Variants in PRIM2 observed in about 807,000 individuals in gnomAD.
PRIM2 encodes DNA primase large subunit.
A neutral mutation model predicts 67.3 loss-of-function variants in PRIM2; 39 were observed. That is an observed-to-expected ratio of 0.58 (90% confidence interval 0.45 to 0.76). The LOEUF (loss-of-function observed/expected upper bound fraction) is 0.76, where lower values mean the gene tolerates loss of function less well. PRIM2 is among the 30% of genes least tolerant of loss of function. The pLI is 0.00. For synonymous variants in PRIM2, 143 were observed against 198.7 expected (o/e 0.72, Z 2.36); for missense variants, 398 against 598.7 (o/e 0.66, Z 3.50).
chr6:57,359,619 G>A (rs1389397951), intron 5 of PRIM2, among the ~76,000 whole-genome samples: 2 of 152,190 alleles, frequency 1.3e-5, no homozygotes, highest in Non-Finnish European at 2.9e-5. Context: ...GGTAGCTAGA[G>A]CTTCTGGCTT....
intron 10 of PRIM2, among the ~76,000 whole-genome samples, chr6:57,567,268 T>C (rs1382878038): frequency 1.2e-4 from 19 of 152,354 alleles, no homozygotes; most frequent in African/African-American, 4.6e-4. Context: ...AATTTCTTGA[T>C]GGCTTGACTT....
At chr6:57,352,911 A>G (rs1768903589) in intron 5 of PRIM2, among the ~76,000 whole-genome samples, 1 of 152,112 alleles carries the variant, frequency 6.6e-6, no homozygotes, top group African/African-American at 2.4e-5. Flanking sequence ...TTAATAGTAA[A>G]TGGTTAGAGG....
intron 7 of PRIM2, among the ~76,000 whole-genome samples, chr6:57,499,361 A>G (rs1774078386): frequency 6.6e-6 from 1 of 152,170 alleles, no homozygotes; most frequent in African/African-American, 2.4e-5. Context: ...TGAGGGAACA[A>G]CAGAAACAAG....
chr6:57,417,091 C>T (rs12190104), intron 7 of PRIM2, among the ~76,000 whole-genome samples: 4 of 151,920 alleles, frequency 2.6e-5, no homozygotes, highest in South Asian at 4.2e-4. Flanking sequence ...CTCAGCCTCC[C>T]GAGTAGCTGG....
intron 5 of PRIM2, among the ~76,000 whole-genome samples, chr6:57,374,526 T>C (rs1263586318): frequency 6.6e-6 from 1 of 151,482 alleles, no homozygotes; most frequent in East Asian, 1.9e-4. Context: ...TCTCCTGACC[T>C]CGTGATCCGC....
chr6:57,619,090 A>G (rs1473296478), intron 12 of PRIM2, among the ~76,000 whole-genome samples: 1 of 152,246 alleles, frequency 6.6e-6, no homozygotes, highest in Non-Finnish European at 1.5e-5. Flanking sequence ...GACGGTTCAC[A>G]TCACAGGACT....
At chr6:57,250,654 A>C in the PRIM2 span, among the ~76,000 whole-genome samples, 3 of 152,204 alleles carry the variant, frequency 2.0e-5, no homozygotes, top group African/African-American at 7.2e-5. Context: ...AATTGCAGAC[A>C]GAAGGAAGGG....
chr6:57,280,815 C>CT, the PRIM2 span, among the ~76,000 whole-genome samples: 121 of 151,686 alleles, frequency 8.0e-4, no homozygotes, highest in African/African-American at 2.8e-3. Flanking sequence ...CATGTACTAT[C>CT]TTTTTTTTTA....
At chr6:57,628,940 A>G (rs1777000355) in intron 12 of PRIM2, among the ~76,000 whole-genome samples, 1 of 152,104 alleles carries the variant, frequency 6.6e-6, no homozygotes, top group Non-Finnish European at 1.5e-5. Flanking sequence ...GGTGTTTGCC[A>G]GGTTTGTAAT....
intron 13 of PRIM2, among the ~76,000 whole-genome samples, chr6:57,635,072 C>A: frequency 6.6e-6 from 1 of 152,172 alleles, no homozygotes; most frequent in Admixed American, 6.5e-5. Flanking sequence ...TTCCCAAGGC[C>A]TCTGTGATCA....
chr6:57,407,998 G>A (rs1255089737), intron 7 of PRIM2, among the ~76,000 whole-genome samples: 7 of 152,264 alleles, frequency 4.6e-5, no homozygotes, highest in Admixed American at 3.9e-4. Flanking sequence ...CTAAGCCAAT[G>A]TACCTGTATC....
intron 5 of PRIM2, among the ~76,000 whole-genome samples, chr6:57,367,575 C>G (rs73748690): frequency 6.6e-6 from 1 of 152,162 alleles, no homozygotes; most frequent in Admixed American, 6.5e-5. Context: ...CTCACACTTT[C>G]GAGGGTTAGG....
intron 8 of PRIM2, among the ~76,000 whole-genome samples, chr6:57,520,071 G>A (rs1419159942): frequency 6.6e-6 from 1 of 152,122 alleles, no homozygotes; most frequent in Non-Finnish European, 1.5e-5. Context: ...ATTGTCAATG[G>A]CTATGTGAGA....
intron 5 of PRIM2, among the ~76,000 whole-genome samples, chr6:57,340,106 T>C (rs929034771): frequency 4.6e-5 from 7 of 151,492 alleles, no homozygotes; most frequent in Admixed American, 1.3e-4. Context: ...CATGAAAAAA[T>C]GCTCATGATC....
chr6:57,238,972 G>A, the PRIM2 span, among the ~76,000 whole-genome samples: 1 of 151,680 alleles, frequency 6.6e-6, no homozygotes, highest in Non-Finnish European at 1.5e-5. Flanking sequence ...TGTATTCCCT[G>A]TTTTTCTTTT....
At chr6:57,468,785 T>A (rs1380056954) in intron 7 of PRIM2, among the ~76,000 whole-genome samples, 1 of 152,248 alleles carries the variant, frequency 6.6e-6, no homozygotes, top group African/African-American at 2.4e-5. Context: ...ACTTAGTGGA[T>A]AACTATGTGT....
intron 10 of PRIM2, among the ~76,000 whole-genome samples, chr6:57,555,549 G>A (rs1309576555): frequency 6.6e-6 from 1 of 152,130 alleles, no homozygotes; most frequent in Non-Finnish European, 1.5e-5. Flanking sequence ...CAAAGTGCTG[G>A]GATTATAGGC....
chr6:57,234,681 G>C, the PRIM2 span, among the ~76,000 whole-genome samples: 2 of 152,050 alleles, frequency 1.3e-5, no homozygotes, highest in Non-Finnish European at 2.9e-5. Context: ...ATACCACCAT[G>C]CCCAGCTAAT....
At chr6:57,339,301 A>G (rs972274227) in intron 5 of PRIM2, among the ~76,000 whole-genome samples, 11 of 152,148 alleles carry the variant, frequency 7.2e-5, no homozygotes, top group Non-Finnish European at 1.3e-4. Context: ...TACAGATTCA[A>G]TGCCATCCCC....
Sources: gnomAD v4.1 joint callset for allele counts (sites outside exome capture counted in the v4.1 genomes callset) on GRCh38, gnomAD v4.1.1 for gene constraint, MANE v1.5 for transcripts, NCBI Gene and HGNC (gene_info 2026-07-23, HGNC 2026-07-21) for gene names.